Variants in BLTP2 observed in about 807,000 individuals in gnomAD.
BLTP2 encodes the protein U937-associated antigen.
the BLTP2 span, chr17:28,628,460 A>C: frequency 6.2e-7 from 1 of 1,614,140 alleles, no homozygotes. Context: ...TATAACCCAA[A>C]GGCAATGTCT....
the BLTP2 span, chr17:28,628,625 T>TA: frequency 1.4e-6 from 2 of 1,397,554 alleles, no homozygotes; most frequent in Non-Finnish European, 2.0e-6. Flanking sequence ...GAGGCAGTGA[T>TA]AAAAGTTTGT....
chr17:28,617,097 C>T, the BLTP2 span: 1 of 1,166,484 alleles, frequency 8.6e-7, no homozygotes, highest in Non-Finnish European at 1.3e-6. Context: ...AGCAATGGTA[C>T]TGCTAAGCTG....
At chr17:28,621,988 A>G in the BLTP2 span, among the ~76,000 whole-genome samples, 6 of 152,146 alleles carry the variant, frequency 3.9e-5, no homozygotes, top group Non-Finnish European at 8.8e-5. Context: ...ACCACAGCAG[A>G]TGGTGGATCT....
the BLTP2 span, among the ~76,000 whole-genome samples, chr17:28,632,713 T>C: frequency 2.0e-5 from 3 of 152,274 alleles, no homozygotes; most frequent in Admixed American, 2.0e-4. Context: ...AGATAAACGC[T>C]TGTTGTTTAT....
chr17:28,631,733 T>A, the BLTP2 span: 1 of 1,606,218 alleles, frequency 6.2e-7, no homozygotes, highest in Non-Finnish European at 8.5e-7. Flanking sequence ...GAGGATAGTG[T>A]AAGACAGAGA....
chr17:28,639,308 G>A, the BLTP2 span: 9 of 1,614,054 alleles, frequency 5.6e-6, no homozygotes, highest in Non-Finnish European at 7.6e-6. Context: ...AAAAAGATCA[G>A]ACTGACCTTT....
chr17:28,616,339 G>A, the BLTP2 span: 4 of 1,613,848 alleles, frequency 2.5e-6, no homozygotes, highest in South Asian at 2.2e-5. The surrounding 1 kb of genome is among the most constrained non-coding windows in gnomAD (Gnocchi z 4.8). Flanking sequence ...AGGACCTCAA[G>A]ACTCTCCCAT....
At chr17:28,632,076 G>C in the BLTP2 span, 1 of 1,614,066 alleles carries the variant, frequency 6.2e-7, no homozygotes, top group Middle Eastern at 1.6e-4. Context: ...GGGCTGTATA[G>C]GAAAGTTGCT....
At chr17:28,642,972 C>T in the BLTP2 span, 3 of 1,596,854 alleles carry the variant, frequency 1.9e-6, no homozygotes, top group African/African-American at 1.3e-5. Flanking sequence ...ATAGCATCTA[C>T]ATGAATGGAG....
chr17:28,620,408 T>C, the BLTP2 span: 1 of 1,387,630 alleles, frequency 7.2e-7, no homozygotes, highest in South Asian at 1.3e-5. Context: ...AAGGCCCTTT[T>C]TCAGTGTGAA....
chr17:28,642,964 A>G, the BLTP2 span: 7 of 1,602,902 alleles, frequency 4.4e-6, no homozygotes, highest in Non-Finnish European at 6.0e-6. Context: ...TGATGTTTAT[A>G]GCATCTACAT....
chr17:28,639,427 G>A, the BLTP2 span: 1 of 1,613,336 alleles, frequency 6.2e-7, no homozygotes, highest in Admixed American at 1.7e-5. Context: ...CAAGTGTTCA[G>A]AACTAGGGAG....
chr17:28,619,908 A>G, the BLTP2 span: 13 of 1,613,972 alleles, frequency 8.1e-6, no homozygotes, highest in African/African-American at 2.7e-5. Flanking sequence ...TTTGGGCCAC[A>G]TGCTGCCGCA....
chr17:28,622,810 C>G, the BLTP2 span, among the ~76,000 whole-genome samples: 1 of 152,232 alleles, frequency 6.6e-6, no homozygotes. Context: ...GGTGGGGTGG[C>G]TCACGCCTGT....
chr17:28,638,131 C>A, the BLTP2 span: 6 of 1,605,992 alleles, frequency 3.7e-6, no homozygotes, highest in Non-Finnish European at 5.1e-6. Flanking sequence ...TAGAAGTATG[C>A]AGGCGCACAG....
the BLTP2 span, chr17:28,643,619 T>C: frequency 9.3e-6 from 15 of 1,613,882 alleles, no homozygotes; most frequent in Admixed American, 3.3e-5. Flanking sequence ...CGGAAGATCA[T>C]GGCTAAGGAG....
chr17:28,630,998 G>T, the BLTP2 span, among the ~76,000 whole-genome samples: 1 of 152,116 alleles, frequency 6.6e-6, no homozygotes, highest in Non-Finnish European at 1.5e-5. Context: ...ATAAAGTAAT[G>T]ACATACATGC....
At chr17:28,616,264 TC>T in the BLTP2 span, 1 of 1,596,314 alleles carries the variant, frequency 6.3e-7, no homozygotes, top group Non-Finnish European at 8.6e-7. The surrounding 1 kb of genome is among the most constrained non-coding windows in gnomAD (Gnocchi z 4.8). Context: ...CCCAAACATC[TC>T]CCTCTTCTTT....
chr17:28,619,091 C>G, the BLTP2 span: 1 of 705,168 alleles, frequency 1.4e-6, no homozygotes. Context: ...TCTGGGTTAG[C>G]CAGTCCCTAC....
Sources: gnomAD v4.1 joint callset for allele counts (sites outside exome capture counted in the v4.1 genomes callset) on GRCh38, gnomAD v4.1.1 for gene constraint, Gnocchi (gnomAD v3.1) non-coding constraint, MANE v1.5 for transcripts, NCBI Gene and HGNC (gene_info 2026-07-23, HGNC 2026-07-21) for gene names.